Variants in WIPF2 observed in about 807,000 individuals in gnomAD.
WIPF2 encodes WAS/WASL interacting protein family member 2, also known as WAS/WASL-interacting protein family member 2.
WIPF2 carries 23 observed loss-of-function variants against 38.8 expected under a neutral mutation model. The ratio of observed to expected loss-of-function variants is 0.59; its 90% CI spans 0.43 to 0.84. WIPF2 has a LOEUF of 0.84. Ranked by LOEUF, WIPF2 falls within the 40% of genes least tolerant of loss-of-function variation. WIPF2 has a pLI of 0.00. For missense variants in WIPF2, 574 were observed against 580.5 expected (o/e 0.99, Z 0.11); for synonymous variants, 210 against 223.2 (o/e 0.94, Z 0.53).
chr17:40,251,123 C>T (rs1055980462), intron 1 of WIPF2, among the ~76,000 whole-genome samples: 2 of 151,192 alleles, frequency 1.3e-5, no homozygotes, highest in African/African-American at 4.9e-5. Context: ...ACTGTGTTAG[C>T]CAGGATGGTC....
In WIPF2 at chr17:40,219,314, C is replaced by G. The variant is rs1019290726; in HGVS notation, c.-248C>G. ...TTTTCCCCCGCCTCCATTTTGTTCG[C>G]GGACGCTGGGGACGGTGGGAGCAGA... On this transcript the variant is annotated 5_prime_UTR_variant, in exon 1 of 8. Coordinates refer to ENST00000323571, the MANE Select transcript of WIPF2 (RefSeq NM_133264.5). The G allele has an allele frequency of 3.4e-6, 1 of 295,626 alleles. No individual in the cohort carries two copies. The highest frequency in any genetic ancestry group is 6.6e-5 in the East Asian group (1 of 15,044). The allele number at this position is 295,626 out of a possible 1,614,324, so 18.3% of individuals were successfully genotyped here. A position where few individuals can be genotyped will look rare whatever the true frequency, so the allele number is the denominator to read the frequency against.
intron 1 of WIPF2, among the ~76,000 whole-genome samples, chr17:40,232,017 T>G (rs2030765779): frequency 2.1e-5 from 3 of 143,512 alleles, no homozygotes; most frequent in South Asian, 2.2e-4. Context: ...TGATTTTACT[T>G]TTTTTTTTTT....
chr17:40,226,036 TA>T (rs916110968), intron 1 of WIPF2, among the ~76,000 whole-genome samples: 1 of 152,090 alleles, frequency 6.6e-6, no homozygotes, highest in African/African-American at 2.4e-5. Context: ...AATTTGTTTT[TA>T]GCAAGTAATT....
chr17:40,219,391 G>GCGGCGGCGGCGGCGGCGGCGGCGGCGA lies in WIPF2; in HGVS notation c.-163_-162insGCGGCGGCGGCGGCGGCGACGGCGGCG. Reference sequence around the variant, plus strand: ...GGTGGCGGCGGCGGCGGCGGCGGCGGCGGCGGCGACGGCGAGAAAGAGCTT... The same window carrying GCGGCGGCGGCGGCGGCGGCGGCGGCGA: ...GGTGGCGGCGGCGGCGGCGGCGGCGGCGGCGGCGGCGGCGGCGGCGGCGGCGACGGCGGCGACGGCGAGAAAGAGCTT... On this transcript the variant is annotated 5_prime_UTR_variant, in exon 1 of 8. Transcript: ENST00000323571. The GCGGCGGCGGCGGCGGCGGCGGCGGCGA allele has an allele frequency of 2.4e-6, 1 of 420,404 alleles. No individual in the cohort carries two copies. Among genetic ancestry groups the GCGGCGGCGGCGGCGGCGGCGGCGGCGA allele is most frequent in the Non-Finnish European group, 4.5e-6 (1 of 222,302 alleles). 26.0% of individuals were successfully genotyped at this position (420,404 alleles called of 1,614,324 possible). A position where few individuals can be genotyped will look rare whatever the true frequency, so the allele number is the denominator to read the frequency against.
At chr17:40,258,248 AT>A (rs2031792900) in intron 2 of WIPF2, among the ~76,000 whole-genome samples, 1 of 151,952 alleles carries the variant, frequency 6.6e-6, no homozygotes, top group Admixed American at 6.6e-5. Context: ...AAATACAAAA[AT>A]TAGCTGGGTG....
At chr17:40,258,079 G>A (rs2031785088) in intron 2 of WIPF2, among the ~76,000 whole-genome samples, 1 of 152,138 alleles carries the variant, frequency 6.6e-6, no homozygotes, top group Non-Finnish European at 1.5e-5. Context: ...GTTTTGTGTG[G>A]AAGCCCAATA....
chr17:40,230,506 T>G (rs1004975741), intron 1 of WIPF2, among the ~76,000 whole-genome samples: 1 of 152,170 alleles, frequency 6.6e-6, no homozygotes, highest in Non-Finnish European at 1.5e-5. Flanking sequence ...ATAAGAACTT[T>G]CCTGGATGAA....
chr17:40,232,912 A>G (rs1358659688), intron 1 of WIPF2, among the ~76,000 whole-genome samples: 1 of 152,214 alleles, frequency 6.6e-6, no homozygotes, highest in Non-Finnish European at 1.5e-5. Flanking sequence ...TGCTGGTATT[A>G]CAGGCGTGAG....
chr17:40,264,438 T>G, intron 4 of WIPF2, 52 bp from the exon 5 acceptor site: 1 of 1,572,908 alleles, frequency 6.4e-7, no homozygotes, highest in African/African-American at 1.4e-5. Context: ...GTAGGGATAC[T>G]GACCAATATC....
intron 1 of WIPF2, among the ~76,000 whole-genome samples, chr17:40,226,900 C>T (rs1352962136): frequency 6.6e-6 from 1 of 151,932 alleles, no homozygotes; most frequent in Non-Finnish European, 1.5e-5. Flanking sequence ...CGCCACCATG[C>T]CCAACTAATT....
intron 1 of WIPF2, among the ~76,000 whole-genome samples, chr17:40,249,099 T>A (rs2031469592): frequency 6.6e-6 from 1 of 152,212 alleles, no homozygotes; most frequent in South Asian, 2.1e-4. Context: ...AAAGTACTGT[T>A]ACCTGAGGCA....
chr17:40,230,313 C>G (rs1025974722), intron 1 of WIPF2, among the ~76,000 whole-genome samples: 1 of 152,262 alleles, frequency 6.6e-6, no homozygotes, highest in Admixed American at 6.6e-5. Flanking sequence ...GCACTCCAAC[C>G]TCGGAGACAG....
chr17:40,237,739 G>A (rs1188262945), intron 1 of WIPF2, among the ~76,000 whole-genome samples: 4 of 148,284 alleles, frequency 2.7e-5, no homozygotes, highest in South Asian at 2.2e-4. Context: ...TCGGCCTCCC[G>A]GGTTCGAATG....
intron 1 of WIPF2, among the ~76,000 whole-genome samples, chr17:40,233,380 A>G (rs1343064350): frequency 1.3e-5 from 2 of 151,946 alleles, no homozygotes; most frequent in African/African-American, 4.8e-5. Flanking sequence ...TTATAATTAG[A>G]AAAAAAACAC....
At chr17:40,261,035 TAAAAAAAAAAAA>T (rs34087528) in intron 3 of WIPF2, among the ~76,000 whole-genome samples, 7 of 93,576 alleles carry the variant, frequency 7.5e-5, no homozygotes, top group Non-Finnish European at 1.4e-4. Flanking sequence ...CTCAAAAAGG[TAAAAAAAAAAAA>T]AAAAAAAAAG....
intron 1 of WIPF2, among the ~76,000 whole-genome samples, chr17:40,247,610 C>T (rs1012371680): frequency 7.2e-5 from 11 of 151,964 alleles, no homozygotes; most frequent in African/African-American, 2.7e-4. Flanking sequence ...CAGCCTCCAC[C>T]TCCTGGGTTC....
At chr17:40,263,320 A>G (rs369824603) in intron 4 of WIPF2, among the ~76,000 whole-genome samples, 10 of 151,932 alleles carry the variant, frequency 6.6e-5, no homozygotes, top group African/African-American at 1.9e-4. Flanking sequence ...ACGGTTCACA[A>G]TGGGGTTCGC....
chr17:40,233,642 A>G (rs894462078), intron 1 of WIPF2, among the ~76,000 whole-genome samples: 2 of 152,064 alleles, frequency 1.3e-5, no homozygotes, highest in Non-Finnish European at 2.9e-5. Context: ...TTCCATTCTT[A>G]CATATTATCT....
intron 5 of WIPF2, among the ~76,000 whole-genome samples, chr17:40,269,524 C>T (rs901204886): frequency 6.6e-6 from 1 of 150,894 alleles, no homozygotes; most frequent in Non-Finnish European, 1.5e-5. Context: ...ACCCGCCCCC[C>T]CAAAACCCAA....
Sources: allele counts gnomAD v4.1 joint callset (sites outside exome capture counted in the v4.1 genomes callset), GRCh38; gene constraint gnomAD v4.1.1; transcripts MANE v1.5; gene names NCBI Gene and HGNC (gene_info 2026-07-23, HGNC 2026-07-21).